The following ADGRF1 variants were observed in gnomAD, a reference collection of about 807,000 sequenced individuals.
ADGRF1 encodes G protein-coupled receptor 110.
In ADGRF1, 85 loss-of-function variants were observed where a neutral mutation model predicts 87.2. The observed-to-expected ratio is 0.97, with a 90% CI of 0.82 to 1.17. ADGRF1 has a LOEUF of 1.17. ADGRF1 is among the 50% of genes most tolerant of loss of function. ADGRF1 has a pLI of 0.00. For synonymous variants in ADGRF1, 430 were observed against 408.8 expected (o/e 1.05, Z -0.63); for missense variants, 1,169 against 1,077.2 (o/e 1.09, Z -1.19).
intron 6 of ADGRF1, among the ~76,000 whole-genome samples, chr6:47,021,548 A>G (rs1197457028): frequency 6.6e-6 from 1 of 152,114 alleles, no homozygotes; most frequent in East Asian, 1.9e-4. Context: ...TTTAGTAGAG[A>G]TTGGGTTTCA....
chr6:47,034,235 C>T (rs180756929), intron 1 of ADGRF1, among the ~76,000 whole-genome samples: 128 of 152,218 alleles, frequency 8.4e-4, no homozygotes, highest in Admixed American at 1.4e-3. Context: ...TATTACATGC[C>T]CATTCCCCAC....
chr6:47,005,302 T>A (rs1280369149), intron 13 of ADGRF1, among the ~76,000 whole-genome samples: 1 of 152,132 alleles, frequency 6.6e-6, no homozygotes, highest in Non-Finnish European at 1.5e-5. Flanking sequence ...ACTTAAGAGC[T>A]AAGATTGCAA....
intron 5 of ADGRF1, 114 bp downstream of exon 5, chr6:47,023,930 C>T (rs577878675): frequency 1.6e-4 from 147 of 901,588 alleles, no homozygotes; most frequent in Admixed American, 3.8e-4. Flanking sequence ...TCATCACTGT[C>T]CCTCAATCTC....
intron 13 of ADGRF1, among the ~76,000 whole-genome samples, chr6:47,005,129 T>A (rs1383279910): frequency 6.6e-6 from 1 of 152,224 alleles, no homozygotes; most frequent in Non-Finnish European, 1.5e-5. Context: ...TGAAAGGCCC[T>A]CAGTGCCTCG....
At position 46,998,282 on chromosome 6, in the gene ADGRF1, C is replaced by T. The variant is rs1779266242; in HGVS notation, c.*1940G>A. 6.6e-6 allele frequency: 1 copy of T among 152,180 alleles called. No individual in the cohort carries two copies. Among genetic ancestry groups the T allele is most frequent in the South Asian group, 2.1e-4 (1 of 4,832 alleles). 9.4% of individuals were successfully genotyped at this position (152,180 alleles called of 1,614,324 possible). On this transcript the variant is annotated 3_prime_UTR_variant, in exon 15 of 15. Coordinates refer to ENST00000371253, the MANE Select transcript of ADGRF1 (RefSeq NM_153840.4). ...CCCATAGAAATTCTCATAGCCCTGA[C>T]TTCTCATCTTTAGCTTGTGTAGATT...
chr6:47,020,429 G>C, intron 7 of ADGRF1: 1 of 1,037,162 alleles, frequency 9.6e-7, no homozygotes, highest in South Asian at 1.5e-5. Context: ...CCGGTAGGCA[G>C]AGGTTGCAGG....
In ADGRF1 at chr6:46,998,665, C is replaced by T. The variant is rs1561860423; in HGVS notation, c.*1557G>A. The T allele has an allele frequency of 1.3e-5, 2 of 152,252 alleles. No homozygotes were observed. The highest frequency in any genetic ancestry group is 2.1e-4 in the South Asian group (1 of 4,836). 9.4% of individuals were successfully genotyped at this position (152,252 alleles called of 1,614,324 possible). On this transcript the variant is annotated 3_prime_UTR_variant, in exon 15 of 15. Coordinates refer to ENST00000371253, the MANE Select transcript of ADGRF1 (RefSeq NM_153840.4). Reference sequence around the variant, plus strand: ...GAGCTATCTGAGCTATCTGAGAAATCTTCTCTCACTAAATTTGAGGTCAAG... The same window carrying T: ...GAGCTATCTGAGCTATCTGAGAAATTTTCTCTCACTAAATTTGAGGTCAAG...
In ADGRF1 at chr6:47,020,616, T is replaced by C; in HGVS notation, c.611+115A>G. 5 of 1,553,554 alleles carry C rather than the reference T, an allele frequency of 3.2e-6. No homozygotes were observed. In the South Asian group the frequency reaches 6.0e-5, roughly 19 times the overall value. Reference sequence around the variant, plus strand: ...TGTTCACTTAGTAAAAATCCTACTATAAAGATGACTTCTGTCCTGTTTTCT... The same window carrying C: ...TGTTCACTTAGTAAAAATCCTACTACAAAGATGACTTCTGTCCTGTTTTCT... On this transcript the variant is annotated intron_variant, in intron 7 of 14. Coordinates refer to ENST00000371253, the MANE Select transcript of ADGRF1 (RefSeq NM_153840.4).
chr6:47,005,957 T>G, intron 12 of ADGRF1, 81 bp from the exon 13 acceptor site: 1 of 834,914 alleles, frequency 1.2e-6, no homozygotes, highest in Non-Finnish European at 1.9e-6. Flanking sequence ...CAGGTTGAAA[T>G]GGTTATTTAA....
Position 47,009,440 on chromosome 6 carries a change from G to A in ADGRF1, c.1995C>T (p.His665=), listed in dbSNP as rs983616269. ...AGAAGAACAAAGAGAGGTAGAAGAA[G>A]TGTGTAAAGAACACAGCAGCTGTGC... ...GVCTAAVFFT[H]FFYLSLFFWM... The change falls in exon 11 of 15, where the codon CAC becomes CAT. Residue 665 remains histidine (H), a synonymous_variant. Transcript: ENST00000371253. The A allele has an allele frequency of 3.1e-6, 5 of 1,613,942 alleles. No homozygotes were observed. Among genetic ancestry groups the A allele is most frequent in the Non-Finnish European group, 2.5e-6 (3 of 1,179,936 alleles).
intron 7 of ADGRF1, chr6:47,019,949 A>G: frequency 1.0e-6 from 1 of 986,066 alleles, no homozygotes; most frequent in Non-Finnish European, 1.2e-6. Flanking sequence ...ACTATGATGT[A>G]TACATGTTAT....
intron 9 of ADGRF1, 136 bp from the exon 10 acceptor site, chr6:47,012,331 A>G (rs1289226752): frequency 1.0e-5 from 14 of 1,406,864 alleles, no homozygotes; most frequent in Non-Finnish European, 1.2e-5. Context: ...TAACAATAGT[A>G]ACAAAGGCTG....
intron 7 of ADGRF1, chr6:47,020,443 G>A: frequency 2.6e-6 from 3 of 1,136,244 alleles, no homozygotes; most frequent in Non-Finnish European, 3.7e-6. Flanking sequence ...TTGCAGGGTT[G>A]CAGTGAGCCT....
Position 47,024,932 on chromosome 6 carries a change from G to A in ADGRF1, c.278-715C>T, listed in dbSNP as rs573831255. Among the ~76,000 whole-genome samples, 112 of 152,294 alleles carry A rather than the reference G, an allele frequency of 7.4e-4. No individual in the cohort carries two copies. In the Middle Eastern group the frequency reaches 0.01, roughly 14 times the overall value. ...AAGCAGAAGAGGACACTTGTAACAG[G>A]AGAGTTGTTTAAAGGATTCTAGAGC... On this transcript the variant is annotated intron_variant, in intron 4 of 14. Transcript: ENST00000371253.
chr6:47,024,392 G>A (rs1478764294), intron 4 of ADGRF1, 175 bp from the exon 5 acceptor site: 3 of 522,328 alleles, frequency 5.7e-6, no homozygotes, highest in East Asian at 6.4e-5. Flanking sequence ...TCAGCTCACT[G>A]CAACCTCTGC....
At chr6:47,014,528 C>T (rs956307694) in intron 9 of ADGRF1, 153 bp downstream of exon 9, 76 of 1,422,684 alleles carry the variant, frequency 5.3e-5, no homozygotes, top group South Asian at 3.2e-4. Context: ...CACGACTCCA[C>T]GGGTTCACCA....
At chr6:47,033,631 G>C (rs1277597712) in intron 1 of ADGRF1, among the ~76,000 whole-genome samples, 2 of 152,274 alleles carry the variant, frequency 1.3e-5, no homozygotes, top group African/African-American at 4.8e-5. Context: ...TTGATGAAAA[G>C]AGCAGGTCTC....
At chr6:47,027,793 G>A (rs763463705) in intron 2 of ADGRF1, 32 bp from the exon 3 acceptor site, 5 of 1,248,228 alleles carry the variant, frequency 4.0e-6, no homozygotes, top group Non-Finnish European at 5.9e-6. Context: ...GTTACGGTGA[G>A]ACTTTGAAGA....
chr6:47,028,012 C>T (rs1780295148), intron 2 of ADGRF1, among the ~76,000 whole-genome samples: 1 of 152,054 alleles, frequency 6.6e-6, no homozygotes, highest in African/African-American at 2.4e-5. Flanking sequence ...AGGAGAGGCA[C>T]AGGAGGTGGG....
Sources: gnomAD v4.1 joint callset for allele counts (sites outside exome capture counted in the v4.1 genomes callset) on GRCh38, gnomAD v4.1.1 for gene constraint, MANE v1.5 for transcripts, NCBI Gene and HGNC (gene_info 2026-07-23, HGNC 2026-07-21) for gene names.